CEPT1: variants seen among roughly 807,000 people sequenced by gnomAD.
The protein encoded by CEPT1 is choline/ethanolaminephosphotransferase 1.
Under a neutral mutation model 42.6 loss-of-function variants are expected in CEPT1, and 7 were observed. That is an observed-to-expected ratio of 0.16 (90% CI 0.09 to 0.31). CEPT1 has a LOEUF of 0.31. Among genes scored for constraint, CEPT1 ranks in the 10% least tolerant of loss-of-function variants. CEPT1 has a pLI of 1.00. For missense variants in CEPT1, 306 were observed against 502.1 expected, an observed-to-expected ratio of 0.61 and a Z score of 3.73; for synonymous variants, 171 against 171.9, an observed-to-expected ratio of 0.99 and a Z score of 0.04.
chr1:111,155,857 T>A (rs1007984799), intron 2 of CEPT1, among the ~76,000 whole-genome samples: 6 of 152,244 alleles, frequency 3.9e-5, no homozygotes, highest in African/African-American at 1.2e-4. Flanking sequence ...TGTACATATA[T>A]AACCCACACA....
chr1:111,142,054 A>ATTTTT (rs913919043), intron 1 of CEPT1, among the ~76,000 whole-genome samples: 1 of 147,492 alleles, frequency 6.8e-6, no homozygotes, highest in Non-Finnish European at 1.5e-5. Flanking sequence ...GGAGTTAGAG[A>ATTTTT]TTTTTTTTTT....
intron 5 of CEPT1, among the ~76,000 whole-genome samples, chr1:111,177,002 G>A (rs1403744164): frequency 1.3e-5 from 2 of 152,188 alleles, no homozygotes; most frequent in Admixed American, 1.3e-4. Context: ...CAGCACAATA[G>A]CATCACCAGA....
chr1:111,159,296 T>C, intron 2 of CEPT1, 84 bp from the exon 3 acceptor site: 1 of 1,341,842 alleles, frequency 7.5e-7, no homozygotes, highest in Admixed American at 2.3e-5. Context: ...CCAACTAGCT[T>C]TCCAACCTGC....
At chr1:111,167,818 C>G (rs1656211028) in intron 4 of CEPT1, 4 of 844,678 alleles carry the variant, frequency 4.7e-6, no homozygotes, top group Non-Finnish European at 4.3e-6. Context: ...TGAATACTTT[C>G]CTTTTTTGTT....
chr1:111,167,677 G>GA, intron 4 of CEPT1: 1 of 981,990 alleles, frequency 1.0e-6, no homozygotes, highest in Non-Finnish European at 1.2e-6. Flanking sequence ...GTTTACAGCA[G>GA]TCTTGGTGTT....
Position 111,168,245 on chromosome 1 carries a change from A to T in CEPT1, c.630-6634A>T, listed in dbSNP as rs188882259. Among the ~76,000 whole-genome samples, 133 of 152,220 alleles carry T rather than the reference A, an allele frequency of 8.7e-4. 1 individual carries two copies. Among genetic ancestry groups the T allele is most frequent in the Middle Eastern group, 3.4e-3 (1 of 294 alleles). Reference sequence around the variant, plus strand: ...TGTTAGGAAATGTTTTCCCAGTAAGATAGTCCAGAATCATTCACACTTTAG... The same window carrying T: ...TGTTAGGAAATGTTTTCCCAGTAAGTTAGTCCAGAATCATTCACACTTTAG... On this transcript the variant is annotated intron_variant, in intron 4 of 8. Coordinates refer to ENST00000357172, the MANE Select transcript of CEPT1 (RefSeq NM_006090.5).
At chr1:111,156,415 G>A (rs375206198) in intron 2 of CEPT1, among the ~76,000 whole-genome samples, 2 of 152,104 alleles carry the variant, frequency 1.3e-5, no homozygotes. Flanking sequence ...ATGTCTGTTA[G>A]GTCCATTTGG....
At chr1:111,168,590 G>A (rs1465084706) in intron 4 of CEPT1, among the ~76,000 whole-genome samples, 6 of 151,532 alleles carry the variant, frequency 4.0e-5, no homozygotes, top group African/African-American at 7.3e-5. Flanking sequence ...CCAGGTTCAC[G>A]CCATTCTCCT....
intron 4 of CEPT1, chr1:111,166,970 G>A (rs550824902): frequency 5.5e-6 from 1 of 182,718 alleles, no homozygotes; most frequent in African/African-American, 2.4e-5. Flanking sequence ...TGTATAAATT[G>A]TATCATTCCA....
chr1:111,145,614 A>ACTCAT (rs1171970917), intron 1 of CEPT1, among the ~76,000 whole-genome samples: 2 of 152,064 alleles, frequency 1.3e-5, no homozygotes, highest in Non-Finnish European at 2.9e-5. Flanking sequence ...CCATGTGGTT[A>ACTCAT]CTCATGAGCT....
chr1:111,154,762 C>T (rs934285907), intron 2 of CEPT1, among the ~76,000 whole-genome samples: 2 of 152,106 alleles, frequency 1.3e-5, no homozygotes, highest in Admixed American at 6.5e-5. Flanking sequence ...CTTAGTTCTT[C>T]GTTCTGTTGA....
At chr1:111,152,768 T>C (rs1165909507) in intron 2 of CEPT1, among the ~76,000 whole-genome samples, 1 of 152,174 alleles carries the variant, frequency 6.6e-6, no homozygotes, top group Non-Finnish European at 1.5e-5. Flanking sequence ...TAAAAACTTT[T>C]TGTATGTTTG....
intron 5 of CEPT1, chr1:111,180,617 T>C (rs925359158): frequency 6.6e-6 from 1 of 152,232 alleles, no homozygotes; most frequent in African/African-American, 2.4e-5. Context: ...TTAACACTGC[T>C]ACAGTACAAT....
At chr1:111,182,085 G>T in intron 5 of CEPT1, 102 bp from the exon 6 acceptor site, 1 of 794,050 alleles carries the variant, frequency 1.3e-6, no homozygotes, top group Non-Finnish European at 1.9e-6. Flanking sequence ...TTATGTAATT[G>T]GAGGGAATGG....
chr1:111,161,267 G>A lies in CEPT1; in HGVS notation c.600G>A (p.Thr200=), dbSNP rs770875885. 7.4e-6 allele frequency: 12 copies of A among 1,612,498 alleles called. No individual in the cohort carries two copies. Among genetic ancestry groups the A allele is most frequent in the South Asian group, 1.1e-5 (1 of 90,654 alleles). ...TGTTCTATTGTGCGCACTGGCAAACGTATGTTTCTGGAACATTGCGATTTG... is the reference window on the plus strand; with the variant it reads ...TGTTCTATTGTGCGCACTGGCAAACATATGTTTCTGGAACATTGCGATTTG... ...TFMFYCAHWQ[T]YVSGTLRFGI... The change falls in exon 4 of 9, where the codon ACG becomes ACA. Residue 200 remains threonine, a synonymous_variant. Transcript: ENST00000357172.
chr1:111,164,675 G>GT (rs11433460), intron 4 of CEPT1, among the ~76,000 whole-genome samples: 31,476 of 151,882 alleles, frequency 0.21, 3,825 homozygotes, highest in South Asian at 0.37. Context: ...CCAGGCTGGA[G>GT]TGTAGTGGCA....
intron 8 of CEPT1, among the ~76,000 whole-genome samples, chr1:111,183,820 A>G (rs560695248): frequency 5.3e-5 from 8 of 152,264 alleles, no homozygotes; most frequent in African/African-American, 1.7e-4. Flanking sequence ...ATAAATTGCA[A>G]ATTTCTGACT....
Position 111,175,048 on chromosome 1 carries a change from G to A in CEPT1, c.714+85G>A, listed in dbSNP as rs114351427. ...TAATATGGGATAATCCAGTTAAAGG[G>A]TAATGTGTGAAATTCTTTTATTTTT... On this transcript the variant is annotated intron_variant, in intron 5 of 8. Transcript: ENST00000357172. The A allele has an allele frequency of 7.3e-3, 6,160 of 845,498 alleles. 40 individuals carry two copies. Among genetic ancestry groups the A allele is most frequent in the Non-Finnish European group, 9.6e-3 (4,734 of 490,650 alleles). The allele number at this position is 845,498 out of a possible 1,614,324, so 52.4% of individuals were successfully genotyped here.
chr1:111,179,871 A>T (rs1656885362), intron 5 of CEPT1: 1 of 152,196 alleles, frequency 6.6e-6, no homozygotes, highest in South Asian at 2.1e-4. Flanking sequence ...ATCAATTCAA[A>T]CAAAATCCAA....
Sources: gnomAD v4.1 joint callset for allele counts (sites outside exome capture counted in the v4.1 genomes callset) on GRCh38, gnomAD v4.1.1 for gene constraint, MANE v1.5 for transcripts, NCBI Gene and HGNC (gene_info 2026-07-23, HGNC 2026-07-21) for gene names.